The following RHOC variants were observed in gnomAD, a reference collection of about 807,000 sequenced individuals.
RHOC encodes the protein rho-related GTP-binding protein RhoC.
A neutral mutation model predicts 19.5 loss-of-function variants in RHOC; 13 were observed. That is an observed-to-expected ratio of 0.67 (90% confidence interval 0.43 to 1.06). The LOEUF (loss-of-function observed/expected upper bound fraction) is 1.06. RHOC is among the 50% of genes least tolerant of loss of function. The pLI is 0.00. For synonymous variants in RHOC, 106 were observed against 97.3 expected, an observed-to-expected ratio of 1.09 and a Z score of -0.52; for missense variants, 173 against 256.9, an observed-to-expected ratio of 0.67 and a Z score of 2.23.
intron 1 of RHOC, chr1:112,705,481 A>G (rs1674807785): frequency 1.8e-6 from 1 of 558,158 alleles, no homozygotes; most frequent in South Asian, 1.6e-5. Flanking sequence ...CACATTCACA[A>G]AACTGTTGGT....
chr1:112,705,018 GCACA>G, intron 2 of RHOC, 78 bp downstream of exon 2: 1 of 684,866 alleles, frequency 1.5e-6, no homozygotes, highest in East Asian at 2.7e-5. Flanking sequence ...CCCACCCCCA[GCACA>G]CACAGCGAGC....
rs1162071245 is a variant in RHOC at position 112,701,332 on chromosome 1, GA to G, written c.*207del. On this transcript the variant is annotated 3_prime_UTR_variant, in exon 6 of 6. Transcript: ENST00000339083. Reference sequence around the variant, plus strand: ...GGGCAAGATCCCCAGGGGCCCTGAGGAAGGGCAGGGCATAGGCGTGGCTCCC... The same window carrying G: ...GGGCAAGATCCCCAGGGGCCCTGAGGAGGGCAGGGCATAGGCGTGGCTCCC... The G allele has an allele frequency of 7.1e-7, 1 of 1,410,350 alleles. No individual in the cohort carries two copies. The highest frequency in any genetic ancestry group is 2.5e-5 in the East Asian group (1 of 40,082). 87.4% of individuals were successfully genotyped at this position (1,410,350 alleles called of 1,614,324 possible). A position where few individuals can be genotyped will look rare whatever the true frequency, so the allele number is the denominator to read the frequency against.
intron 2 of RHOC, chr1:112,704,568 CAAAG>C: frequency 5.9e-6 from 1 of 168,678 alleles, no homozygotes; most frequent in Non-Finnish European, 1.3e-5. Context: ...CTGTGTGACT[CAAAG>C]TCGTGCCTCT....
chr1:112,702,596 C>T lies in RHOC; in HGVS notation c.375G>A (p.Glu125=), dbSNP rs1674693257. 1 of 1,614,084 alleles carries T rather than the reference C, an allele frequency of 6.2e-7. No individual in the cohort carries two copies. The highest frequency in any genetic ancestry group is 8.5e-7 in the Non-Finnish European group (1 of 1,179,980). ...VGNKKDLRQD[E]HTRRELAKMK... is the part of the protein sequence containing the mutation. ...TCTTGGCCAGCTCTCTCCTGGTGTG[C>T]TCGTCTTGCCTCAGGTCCTTCTTAT... Residue 125 remains glutamate, a synonymous_variant, in exon 5 of 6, where the codon GAG becomes GAA. Coordinates refer to ENST00000339083, the MANE Select transcript of RHOC (RefSeq NM_175744.5).
intron 1 of RHOC, among the ~76,000 whole-genome samples, chr1:112,706,462 CACCACACACACA>C (rs1674867990): frequency 2.9e-4 from 5 of 17,198 alleles, no homozygotes; most frequent in Admixed American, 1.2e-3. Context: ...CACACACACA[CACCACACACACA>C]CACACACACA....
Position 112,701,298 on chromosome 1 carries a change from G to T in RHOC, c.*242C>A. The T allele has an allele frequency of 9.0e-7, 1 of 1,115,056 alleles. No homozygotes were observed. Among genetic ancestry groups the T allele is most frequent in the East Asian group, 2.6e-5 (1 of 38,646 alleles). The allele number at this position is 1,115,056 out of a possible 1,614,324, so 69.1% of individuals were successfully genotyped here. On this transcript the variant is annotated 3_prime_UTR_variant, in exon 6 of 6. Transcript: ENST00000339083. ...TGGTGTGTGACCATCCTTTGGGGAA[G>T]GTCAAAGGGGGCAAGATCCCCAGGG...
intron 2 of RHOC, chr1:112,704,621 C>G (rs1452342206): frequency 5.6e-6 from 1 of 177,432 alleles, no homozygotes; most frequent in Non-Finnish European, 1.2e-5. Flanking sequence ...AGAGCAGAAG[C>G]AGGGAAACCC....
intron 3 of RHOC, 185 bp from the exon 4 acceptor site, chr1:112,703,304 C>T (rs773829477): frequency 5.6e-5 from 42 of 748,814 alleles, no homozygotes; most frequent in Non-Finnish European, 8.2e-5. Context: ...AAATCTAAGA[C>T]GTGTTTGACC....
rs533417679 is a variant in RHOC at position 112,706,409 on chromosome 1, T to TTC, written c.-77+667_-77+668dup. 6.1e-4 allele frequency among the ~76,000 whole-genome samples: 80 copies of TTC among 131,382 alleles called. 1 individual carries two copies. Among genetic ancestry groups the TTC allele is most frequent in the African/African-American group, 1.1e-3 (38 of 35,402 alleles). 86.2% of individuals were successfully genotyped at this position (131,382 alleles called of 152,430 possible). On this transcript the variant is annotated intron_variant, in intron 1 of 5. Coordinates refer to ENST00000339083, the MANE Select transcript of RHOC (RefSeq NM_175744.5). ...AAGAAGGAGGATTCTCAATCTCATT[T>TTC]TCTCTCTCTCTCTCTCTCTCTACAC...
At chr1:112,706,409 TTCTCTCTCTC>T (rs533417679) in intron 1 of RHOC, among the ~76,000 whole-genome samples, 1 of 131,314 alleles carries the variant, frequency 7.6e-6, no homozygotes, top group Non-Finnish European at 1.7e-5. Flanking sequence ...CAATCTCATT[TTCTCTCTCTC>T]TCTCTCTCTC....
At chr1:112,705,590 CAAG>C (rs1218255648) in intron 1 of RHOC, 1 of 464,378 alleles carries the variant, frequency 2.2e-6, no homozygotes, top group Admixed American at 2.3e-5. Context: ...AGAAGACAAG[CAAG>C]AAGGCATTCA....
At chr1:112,706,480 A>ACCACACACACACACACACACCCCCACAC (rs1557780720) in intron 1 of RHOC, among the ~76,000 whole-genome samples, 1 of 7,396 alleles carries the variant, frequency 1.4e-4, no homozygotes, top group African/African-American at 4.1e-4. Flanking sequence ...ACACACACAC[A>ACCACACACACACACACACACCCCCACAC]CACACACACA....
At position 112,706,498 on chromosome 1, in the gene RHOC, A is replaced by ACCCCCACAC. The variant is rs1557780859; in HGVS notation, c.-77+579_-77+580insGTGTGGGGG. 6.8e-4 allele frequency among the ~76,000 whole-genome samples: 52 copies of ACCCCCACAC among 76,894 alleles called. 1 individual carries two copies. The highest frequency in any genetic ancestry group is 3.1e-3 in the South Asian group (7 of 2,292). 50.4% of individuals were successfully genotyped at this position (76,894 alleles called of 152,430 possible). On this transcript the variant is annotated intron_variant, in intron 1 of 5. Coordinates refer to ENST00000339083, the MANE Select transcript of RHOC (RefSeq NM_175744.5). ...CACACACACACACACACACACACACACACACACACACACACACACACACAC... is the reference window on the plus strand; with the variant it reads ...CACACACACACACACACACACACACACCCCCACACCACACACACACACACACACACACAC...
At chr1:112,706,344 A>C (rs533556541) in intron 1 of RHOC, 1 of 151,716 alleles carries the variant, frequency 6.6e-6, no homozygotes, top group African/African-American at 2.4e-5. Flanking sequence ...TCGGGATCCC[A>C]GTCCCAAACC....
chr1:112,702,869 A>G, intron 4 of RHOC, 130 bp downstream of exon 4: 1 of 1,386,248 alleles, frequency 7.2e-7, no homozygotes, highest in East Asian at 2.3e-5. Context: ...ACAGTAAAGG[A>G]GACCAACAGG....
chr1:112,705,145 T>C lies in RHOC; in HGVS notation c.-53A>G. The C allele has an allele frequency of 4.3e-6, 3 of 702,298 alleles. No individual in the cohort carries two copies. Among genetic ancestry groups the C allele is most frequent in the Non-Finnish European group, 7.8e-6 (3 of 384,840 alleles). 43.5% of individuals were successfully genotyped at this position (702,298 alleles called of 1,614,324 possible). ...CAGGCTGCAGGAAGAGAGGGCGGGC[T>C]CTGGAGCTGAGATGAAGTCAAGGCT... is the stretch of plus-strand genomic sequence containing the variant. On this transcript the variant is annotated 5_prime_UTR_variant, in exon 2 of 6. Coordinates refer to ENST00000339083, the MANE Select transcript of RHOC (RefSeq NM_175744.5).
At chr1:112,706,476 A>ACACACACACCCACAC (rs1557780704) in intron 1 of RHOC, among the ~76,000 whole-genome samples, 1 of 3,866 alleles carries the variant, frequency 2.6e-4, no homozygotes, top group African/African-American at 6.8e-4. Context: ...ACACACACAC[A>ACACACACACCCACAC]CACACACACA....
intron 3 of RHOC, 69 bp from the exon 4 acceptor site, chr1:112,703,188 C>T: frequency 6.3e-7 from 1 of 1,588,694 alleles, no homozygotes; most frequent in East Asian, 2.3e-5. Flanking sequence ...TCCCCTGAAA[C>T]CACTGTCCTT....
At chr1:112,705,238 C>G in intron 1 of RHOC, 70 bp from the exon 2 acceptor site, 1 of 700,088 alleles carries the variant, frequency 1.4e-6, no homozygotes, top group Admixed American at 2.0e-5. Context: ...AAATGAGGGC[C>G]AGTCCCAGCA....
Sources: allele counts gnomAD v4.1 joint callset (sites outside exome capture counted in the v4.1 genomes callset), GRCh38; gene constraint gnomAD v4.1.1; transcripts MANE v1.5; gene names NCBI Gene and HGNC (gene_info 2026-07-23, HGNC 2026-07-21).